The following PDLIM5 variants were observed in gnomAD, a reference collection of about 807,000 sequenced individuals.
PDLIM5 encodes PDZ and LIM domain 5.
A neutral mutation model predicts 64.2 loss-of-function variants in PDLIM5; 34 were observed. The observed-to-expected ratio is 0.53, with a 90% CI of 0.40 to 0.71. PDLIM5 has a LOEUF of 0.71. Among genes scored for constraint, PDLIM5 ranks in the 30% least tolerant of loss-of-function variants. PDLIM5 has a pLI of 0.00. For synonymous variants in PDLIM5, 253 were observed against 269.1 expected, an observed-to-expected ratio of 0.94 and a Z score of 0.59; for missense variants, 683 against 733.6, an observed-to-expected ratio of 0.93 and a Z score of 0.80.
At chr4:94,628,694 C>T (rs189485514) in intron 8 of PDLIM5, among the ~76,000 whole-genome samples, 6 of 152,192 alleles carry the variant, frequency 3.9e-5, no homozygotes, top group Admixed American at 3.9e-4. Context: ...ACCCATGTAG[C>T]TTTCGTGTGA....
At chr4:94,467,077 A>G (rs529828055) in intron 2 of PDLIM5, among the ~76,000 whole-genome samples, 1 of 152,344 alleles carries the variant, frequency 6.6e-6, no homozygotes, top group African/African-American at 2.4e-5. Flanking sequence ...TCACAGCAGT[A>G]CAGTTTAAGT....
intron 2 of PDLIM5, among the ~76,000 whole-genome samples, chr4:94,491,372 A>G (rs921336941): frequency 6.6e-6 from 1 of 152,058 alleles, no homozygotes; most frequent in Non-Finnish European, 1.5e-5. Context: ...ATATTATAGA[A>G]CCTTTTACTA....
intron 2 of PDLIM5, among the ~76,000 whole-genome samples, chr4:94,474,200 T>C (rs962465897): frequency 4.6e-5 from 7 of 152,226 alleles, no homozygotes; most frequent in Admixed American, 4.6e-4. Context: ...GAAACTTTGG[T>C]GTCATTCAGT....
intron 3 of PDLIM5, among the ~76,000 whole-genome samples, chr4:94,569,636 T>G (rs1364915581): frequency 6.6e-6 from 1 of 152,292 alleles, no homozygotes; most frequent in East Asian, 1.9e-4. Flanking sequence ...TTTACCCCTT[T>G]GCATTTGAGT....
At chr4:94,629,505 T>C (rs1739973030) in intron 8 of PDLIM5, among the ~76,000 whole-genome samples, 1 of 152,170 alleles carries the variant, frequency 6.6e-6, no homozygotes, top group African/African-American at 2.4e-5. Context: ...AAGTTTTCTA[T>C]ATAAGATCAG....
chr4:94,564,736 A>G (rs1397867529), intron 3 of PDLIM5, among the ~76,000 whole-genome samples: 8 of 139,298 alleles, frequency 5.7e-5, no homozygotes, highest in Admixed American at 1.5e-4. Context: ...GCTCACTGCA[A>G]CCTCCACCTC....
At chr4:94,615,565 G>A (rs1447654548) in intron 7 of PDLIM5, among the ~76,000 whole-genome samples, 2 of 152,270 alleles carry the variant, frequency 1.3e-5, no homozygotes, top group Admixed American at 1.3e-4. Flanking sequence ...CCAGAATATA[G>A]TTTGTATAGC....
At chr4:94,559,236 A>C (rs1733630803) in intron 3 of PDLIM5, among the ~76,000 whole-genome samples, 1 of 152,236 alleles carries the variant, frequency 6.6e-6, no homozygotes, top group Non-Finnish European at 1.5e-5. Context: ...TACAGCAAGT[A>C]TCTAGGTTAT....
intron 7 of PDLIM5, chr4:94,587,506 G>T: frequency 1.1e-6 from 1 of 896,558 alleles, no homozygotes; most frequent in Non-Finnish European, 1.3e-6. Context: ...TACTTTTTAA[G>T]TTCATTATTA....
At chr4:94,475,785 T>G (rs1358021808) in intron 2 of PDLIM5, among the ~76,000 whole-genome samples, 1 of 152,062 alleles carries the variant, frequency 6.6e-6, no homozygotes, top group Non-Finnish European at 1.5e-5. Flanking sequence ...GGAGAAAAAA[T>G]AGTATCATAT....
At chr4:94,577,540 A>G in intron 5 of PDLIM5, 1 of 309,438 alleles carries the variant, frequency 3.2e-6, no homozygotes, top group South Asian at 3.0e-5. Flanking sequence ...CATGTGAGGA[A>G]GAGAAACAGT....
intron 3 of PDLIM5, among the ~76,000 whole-genome samples, chr4:94,533,933 A>G (rs1350222206): frequency 6.6e-6 from 1 of 152,228 alleles, no homozygotes; most frequent in African/African-American, 2.4e-5. Flanking sequence ...TGCTTAGTCA[A>G]ATGAGTGATT....
chr4:94,627,915 A>G (rs992963208), intron 8 of PDLIM5, among the ~76,000 whole-genome samples: 7 of 152,340 alleles, frequency 4.6e-5, no homozygotes, highest in Non-Finnish European at 1.0e-4. Flanking sequence ...CTTTCTGGGC[A>G]GATATCTTAT....
At chr4:94,624,949 C>G (rs922919977) in intron 8 of PDLIM5, among the ~76,000 whole-genome samples, 1 of 152,178 alleles carries the variant, frequency 6.6e-6, no homozygotes, top group Non-Finnish European at 1.5e-5. Context: ...AAAAGATCAT[C>G]ATGACTTCAT....
At chr4:94,654,816 G>T (rs932583506) in intron 10 of PDLIM5, among the ~76,000 whole-genome samples, 176 bp downstream of exon 10, 16 of 152,062 alleles carry the variant, frequency 1.1e-4, no homozygotes, top group Admixed American at 9.8e-4. Flanking sequence ...AAATATATCG[G>T]ACTCATGGGG....
In PDLIM5 at chr4:94,603,380, A is replaced by G. The variant is rs192317466; in HGVS notation, c.921-14624A>G. 3.3e-5 allele frequency among the ~76,000 whole-genome samples: 5 copies of G among 152,284 alleles called. No individual in the cohort carries two copies. In the East Asian group the frequency reaches 9.6e-4, roughly 29 times the overall value. ...GTTAGACAGTTCTTAAATCACTAGT[A>G]TAAGTTAGTGCTTATCATAGTCTGG... On this transcript the variant is annotated intron_variant, in intron 7 of 12. Coordinates refer to ENST00000317968, the MANE Select transcript of PDLIM5 (RefSeq NM_006457.5).
intron 2 of PDLIM5, among the ~76,000 whole-genome samples, chr4:94,488,538 A>G (rs1726561366): frequency 6.6e-6 from 1 of 152,178 alleles, no homozygotes; most frequent in Admixed American, 6.5e-5. Flanking sequence ...TCACTTCTAA[A>G]CCATACCTTT....
At chr4:94,588,073 A>G (rs1294780566) in intron 7 of PDLIM5, 1 of 914,614 alleles carries the variant, frequency 1.1e-6, no homozygotes, top group East Asian at 1.2e-4. Context: ...TAAATTTAGT[A>G]ATAAATGCAT....
intron 2 of PDLIM5, among the ~76,000 whole-genome samples, chr4:94,507,634 G>A (rs1285446915): frequency 6.6e-6 from 1 of 152,182 alleles, no homozygotes; most frequent in Non-Finnish European, 1.5e-5. Flanking sequence ...ATTATCAACA[G>A]TTGGTAGTAC....
Sources: allele counts gnomAD v4.1 joint callset (sites outside exome capture counted in the v4.1 genomes callset), GRCh38; gene constraint gnomAD v4.1.1; transcripts MANE v1.5; gene names NCBI Gene and HGNC (gene_info 2026-07-23, HGNC 2026-07-21).